The following ANKS1B variants were observed in gnomAD, a reference collection of about 807,000 sequenced individuals.
ANKS1B encodes ankyrin repeat and sterile alpha motif domain-containing protein 1B.
In ANKS1B, 36 loss-of-function variants were observed where a neutral mutation model predicts 148.3. That is an observed-to-expected ratio of 0.24 (90% confidence interval 0.19 to 0.32). The LOEUF (loss-of-function observed/expected upper bound fraction) is 0.32, where lower values mean the gene tolerates loss of function less well. Among genes scored for constraint, ANKS1B ranks in the 10% least tolerant of loss-of-function variants. ANKS1B has a pLI of 1.00. For missense variants in ANKS1B, 1,157 were observed against 1,542.6 expected, an observed-to-expected ratio of 0.75 and a Z score of 4.19; for synonymous variants, 542 against 560.8, an observed-to-expected ratio of 0.97 and a Z score of 0.47.
At chr12:99,583,176 C>T (rs2097587108) in intron 9 of ANKS1B, among the ~76,000 whole-genome samples, 2 of 152,246 alleles carry the variant, frequency 1.3e-5, no homozygotes, top group East Asian at 1.9e-4. Context: ...CACTCTATTG[C>T]TTTGGGATCA....
intron 6 of ANKS1B, among the ~76,000 whole-genome samples, chr12:99,777,589 T>G (rs555066104): frequency 1.4e-4 from 22 of 152,246 alleles, no homozygotes; most frequent in South Asian, 4.1e-4. Flanking sequence ...TTGTTTGTTT[T>G]GTTTGGTTTG....
At chr12:99,520,507 T>C (rs2096864683) in intron 9 of ANKS1B, among the ~76,000 whole-genome samples, 1 of 152,224 alleles carries the variant, frequency 6.6e-6, no homozygotes, top group African/African-American at 2.4e-5. Flanking sequence ...CCTTCCTTTA[T>C]CCTTGACCTT....
chr12:98,801,816 A>T lies in ANKS1B; in HGVS notation c.3142-691T>A, dbSNP rs2099006872. ...GCATGTACTTTGAGGATTCTGATTC[A>T]CAAATACAAGCACATTCCCAAATGA... On this transcript the variant is annotated intron_variant, in intron 20 of 26. Transcript: ENST00000683438. This position sits in a 1 kb window ranked among gnomAD's most constrained non-coding sequence, Gnocchi z 5.2. Among the ~76,000 whole-genome samples, 1 of 152,224 alleles carries T rather than the reference A, an allele frequency of 6.6e-6. No homozygotes were observed. Among genetic ancestry groups the T allele is most frequent in the African/African-American group, 2.4e-5 (1 of 41,458 alleles).
At chr12:99,383,192 C>G (rs904346477) in intron 12 of ANKS1B, among the ~76,000 whole-genome samples, 5 of 152,088 alleles carry the variant, frequency 3.3e-5, no homozygotes, top group Non-Finnish European at 5.9e-5. Flanking sequence ...TTGCCTAAAC[C>G]TTAGATGGTT....
At chr12:98,947,722 G>C (rs1363121333) in intron 17 of ANKS1B, among the ~76,000 whole-genome samples, 2 of 152,170 alleles carry the variant, frequency 1.3e-5, no homozygotes, top group Non-Finnish European at 2.9e-5. Context: ...AGTTAACTCA[G>C]GTAGGACCGA....
At chr12:99,420,761 T>G (rs1366999657) in intron 11 of ANKS1B, among the ~76,000 whole-genome samples, 1 of 152,214 alleles carries the variant, frequency 6.6e-6, no homozygotes, top group Non-Finnish European at 1.5e-5. Context: ...TTATGATTTG[T>G]ATGTAAATTT....
chr12:98,735,107 G>A, exon 10 of ANKS1B: 1 of 398,434 alleles, frequency 2.5e-6, no homozygotes, highest in Non-Finnish European at 4.4e-6. Context: ...AGAAAGACAA[G>A]GTAACATGAA....
At chr12:99,131,807 CG>C (rs1292545807) in intron 15 of ANKS1B, among the ~76,000 whole-genome samples, 1 of 152,166 alleles carries the variant, frequency 6.6e-6, no homozygotes, top group Non-Finnish European at 1.5e-5. Flanking sequence ...AACCGGGCTC[CG>C]TCACCACAGG....
chr12:99,168,519 C>CAAA (rs113434143), intron 14 of ANKS1B, among the ~76,000 whole-genome samples: 54 of 68,870 alleles, frequency 7.8e-4, no homozygotes, highest in African/African-American at 2.8e-3. Context: ...AACTCCATCT[C>CAAA]AAAAAAAAAA....
At chr12:99,004,826 G>T (rs73384662) in intron 17 of ANKS1B, among the ~76,000 whole-genome samples, 2,052 of 152,054 alleles carry the variant, frequency 0.013, 45 homozygotes, top group African/African-American at 0.047. Context: ...CATTGTGAGG[G>T]TGTTCATTAA....
intron 17 of ANKS1B, among the ~76,000 whole-genome samples, chr12:98,835,243 T>C (rs1051528814): frequency 5.9e-5 from 9 of 152,208 alleles, no homozygotes; most frequent in African/African-American, 1.9e-4. Context: ...ACCTGACTCC[T>C]CTGATCTCAG....
At chr12:98,794,710 A>C in intron 22 of ANKS1B, 1 of 950,976 alleles carries the variant, frequency 1.1e-6, no homozygotes, top group Non-Finnish European at 1.7e-6. Context: ...AAAACCGTAG[A>C]AATGAACCTA....
At chr12:99,405,781 T>C (rs1410832970) in intron 11 of ANKS1B, among the ~76,000 whole-genome samples, 3 of 143,914 alleles carry the variant, frequency 2.1e-5, no homozygotes, top group Admixed American at 2.1e-4. Flanking sequence ...CAACAATCTA[T>C]TGCCTGCAAG....
chr12:99,364,927 T>C (rs944151498), intron 12 of ANKS1B, among the ~76,000 whole-genome samples: 15 of 152,210 alleles, frequency 9.9e-5, no homozygotes, highest in Admixed American at 1.3e-4. Context: ...TGAATGTCCA[T>C]TGTTCATTCA....
intron 14 of ANKS1B, among the ~76,000 whole-genome samples, chr12:99,204,399 C>T (rs947648461): frequency 2.0e-5 from 3 of 152,210 alleles, no homozygotes; most frequent in Non-Finnish European, 4.4e-5. Context: ...CAAATCCAAA[C>T]TGCTACAGAG....
intron 17 of ANKS1B, among the ~76,000 whole-genome samples, chr12:98,966,944 C>A (rs1413029229): frequency 6.6e-6 from 1 of 151,652 alleles, no homozygotes; most frequent in East Asian, 1.9e-4. Flanking sequence ...ATGTAAATGA[C>A]GAGTAAATGG....
chr12:99,342,291 G>A (rs1401274188), intron 12 of ANKS1B, among the ~76,000 whole-genome samples: 1 of 152,010 alleles, frequency 6.6e-6, no homozygotes, highest in African/African-American at 2.4e-5. Context: ...ATAGAGACCT[G>A]TAAGATGAGT....
intron 17 of ANKS1B, chr12:98,895,317 C>T (rs1243338202): frequency 2.0e-6 from 2 of 985,194 alleles, no homozygotes; most frequent in Non-Finnish European, 2.4e-6. Flanking sequence ...CCGCCGCCCC[C>T]TCCGCGCACT....
intron 19 of ANKS1B, among the ~76,000 whole-genome samples, chr12:98,824,704 C>T (rs936939579): frequency 2.0e-5 from 3 of 152,178 alleles, no homozygotes; most frequent in Non-Finnish European, 4.4e-5. Context: ...TTTGGAGAAA[C>T]ACCACAAGCA....
Sources: gnomAD v4.1 joint callset for allele counts (sites outside exome capture counted in the v4.1 genomes callset) on GRCh38, gnomAD v4.1.1 for gene constraint, Gnocchi (gnomAD v3.1) non-coding constraint, MANE v1.5 for transcripts, NCBI Gene and HGNC (gene_info 2026-07-23, HGNC 2026-07-21) for gene names.